PTPRD: variants seen among roughly 807,000 people sequenced by gnomAD.
PTPRD encodes the protein protein tyrosine phosphatase receptor type D.
A neutral mutation model predicts 214.5 loss-of-function variants in PTPRD; 34 were observed. The ratio of observed to expected loss-of-function variants is 0.16; its 90% CI spans 0.12 to 0.21. The LOEUF (loss-of-function observed/expected upper bound fraction) is 0.21. Among genes scored for constraint, PTPRD ranks in the 10% least tolerant of loss-of-function variants. The pLI, the probability that PTPRD is intolerant of heterozygous loss-of-function variation, is 1.00. For synonymous variants in PTPRD, 1,128 were observed against 845.7 expected, an observed-to-expected ratio of 1.33 and a Z score of -5.79; for missense variants, 2,545 against 2,398.7, an observed-to-expected ratio of 1.06 and a Z score of -1.27.
At chr9:8,522,917 C>G (rs1242471358) in intron 19 of PTPRD, among the ~76,000 whole-genome samples, 1 of 152,088 alleles carries the variant, frequency 6.6e-6, no homozygotes, top group Non-Finnish European at 1.5e-5. Context: ...TGTCTGAAAA[C>G]TTTTTGGCTG....
chr9:8,507,489 G>C, intron 21 of PTPRD, 55 bp from the exon 22 acceptor site: 1 of 1,608,540 alleles, frequency 6.2e-7, no homozygotes, highest in East Asian at 2.2e-5. Flanking sequence ...TATTCACAAA[G>C]TTCTTCCATT....
chr9:10,255,832 C>T (rs942290367), intron 3 of PTPRD, among the ~76,000 whole-genome samples: 3 of 152,130 alleles, frequency 2.0e-5, no homozygotes, highest in Non-Finnish European at 2.9e-5. Flanking sequence ...ACTTTTAAAA[C>T]TGTTTTGAAA....
intron 3 of PTPRD, among the ~76,000 whole-genome samples, chr9:10,230,352 A>G (rs532888998): frequency 6.6e-6 from 1 of 152,068 alleles, no homozygotes; most frequent in South Asian, 2.1e-4. Context: ...TGTATCCTTG[A>G]TATCTCCCTG....
At chr9:9,031,232 G>A (rs1289116447) in intron 10 of PTPRD, among the ~76,000 whole-genome samples, 6 of 151,754 alleles carry the variant, frequency 4.0e-5, no homozygotes, top group Non-Finnish European at 4.4e-5. Flanking sequence ...ATGCCTGAAA[G>A]GTCCTTGGCA....
intron 33 of PTPRD, chr9:8,460,147 C>T (rs934293753): frequency 2.3e-6 from 1 of 436,438 alleles, no homozygotes; most frequent in African/African-American, 2.0e-5. Flanking sequence ...AAGTGCTTAT[C>T]TGCATAAAGC....
chr9:10,440,811 A>G (rs1390680637), intron 2 of PTPRD, among the ~76,000 whole-genome samples: 4 of 151,850 alleles, frequency 2.6e-5, no homozygotes, highest in African/African-American at 9.6e-5. Flanking sequence ...TCCTGTCTGG[A>G]TCCATTTACT....
chr9:10,496,338 T>C (rs1274282866), intron 2 of PTPRD, among the ~76,000 whole-genome samples: 1 of 151,966 alleles, frequency 6.6e-6, no homozygotes, highest in Non-Finnish European at 1.5e-5. Context: ...TTTTCGAACA[T>C]CAGGCAAAGA....
At chr9:8,773,631 C>T (rs1207035354) in intron 11 of PTPRD, among the ~76,000 whole-genome samples, 1 of 152,126 alleles carries the variant, frequency 6.6e-6, no homozygotes, top group Non-Finnish European at 1.5e-5. Flanking sequence ...TAATGTAAAT[C>T]CCCTGCTTAA....
At chr9:8,847,686 T>C (rs1566581171) in intron 11 of PTPRD, among the ~76,000 whole-genome samples, 2 of 152,284 alleles carry the variant, frequency 1.3e-5, no homozygotes, top group East Asian at 1.9e-4. Flanking sequence ...TATAAAATCA[T>C]AATCAGAAAT....
intron 3 of PTPRD, among the ~76,000 whole-genome samples, chr9:10,262,930 G>A (rs112270769): frequency 0.014 from 2,093 of 152,140 alleles, 54 homozygotes; most frequent in African/African-American, 0.047. Context: ...TGAATAAAGG[G>A]GGCAGTTTCC....
At chr9:10,132,701 A>G (rs113772181) in intron 3 of PTPRD, among the ~76,000 whole-genome samples, 204 of 152,330 alleles carry the variant, frequency 1.3e-3, no homozygotes, top group African/African-American at 3.4e-3. Flanking sequence ...GAGATCAGGT[A>G]AGTGGAAGCC....
chr9:10,213,353 G>A (rs76350553), intron 3 of PTPRD, among the ~76,000 whole-genome samples: 13 of 152,164 alleles, frequency 8.5e-5, no homozygotes, highest in Non-Finnish European at 1.9e-4. Context: ...GTTTCAGAGA[G>A]GAAGCAAACT....
intron 3 of PTPRD, among the ~76,000 whole-genome samples, chr9:10,202,391 A>T (rs920729081): frequency 6.6e-6 from 1 of 151,858 alleles, no homozygotes; most frequent in African/African-American, 2.4e-5. Flanking sequence ...TGGGAATTGC[A>T]TCGAGATAAC....
chr9:9,254,180 T>C (rs927817487), intron 9 of PTPRD, among the ~76,000 whole-genome samples: 1 of 152,070 alleles, frequency 6.6e-6, no homozygotes, highest in Non-Finnish European at 1.5e-5. Context: ...GGGATTAGGA[T>C]GTGAGCACAT....
chr9:8,361,722 G>A (rs2078536995), intron 39 of PTPRD, among the ~76,000 whole-genome samples: 1 of 152,186 alleles, frequency 6.6e-6, no homozygotes, highest in African/African-American at 2.4e-5. Flanking sequence ...GATAATTGAA[G>A]CTGTGTGATG....
chr9:9,763,894 C>T (rs183104795), intron 6 of PTPRD, among the ~76,000 whole-genome samples: 19 of 151,866 alleles, frequency 1.3e-4, no homozygotes, highest in African/African-American at 2.7e-4. Flanking sequence ...GCATTCTTGA[C>T]GACCTCTCAC....
intron 3 of PTPRD, among the ~76,000 whole-genome samples, chr9:10,273,792 A>T (rs1269569138): frequency 6.6e-6 from 1 of 152,130 alleles, no homozygotes; most frequent in Admixed American, 6.5e-5. Flanking sequence ...ATCAGGTAGT[A>T]GCATACCATA....
chr9:9,785,318 T>C (rs1565241908), intron 5 of PTPRD, among the ~76,000 whole-genome samples: 1 of 152,026 alleles, frequency 6.6e-6, no homozygotes, highest in Non-Finnish European at 1.5e-5. Context: ...CAGTATCTCC[T>C]ACAGTATATT....
chr9:8,863,018 T>C (rs1415478950), intron 11 of PTPRD, among the ~76,000 whole-genome samples: 1 of 152,158 alleles, frequency 6.6e-6, no homozygotes, highest in African/African-American at 2.4e-5. Flanking sequence ...TATACGTATG[T>C]AACTAACCTG....
Sources: allele counts gnomAD v4.1 joint callset (sites outside exome capture counted in the v4.1 genomes callset), GRCh38; gene constraint gnomAD v4.1.1; transcripts MANE v1.5; gene names NCBI Gene and HGNC (gene_info 2026-07-23, HGNC 2026-07-21).